CYTH1: variants seen among roughly 807,000 people sequenced by gnomAD.
CYTH1 encodes cytohesin 1.
CYTH1 carries 18 observed loss-of-function variants against 61.8 expected under a neutral mutation model. The observed-to-expected ratio is 0.29, with a 90% confidence interval of 0.20 to 0.43. The LOEUF (loss-of-function observed/expected upper bound fraction) is 0.43. CYTH1 is among the 20% of genes least tolerant of loss of function. The pLI is 1.00. For missense variants in CYTH1, 336 were observed against 510.5 expected (o/e 0.66, Z 3.29); for synonymous variants, 174 against 184.3 (o/e 0.94, Z 0.45).
At chr17:78,752,952 A>C (rs2144679227) in intron 1 of CYTH1, among the ~76,000 whole-genome samples, 1 of 152,308 alleles carries the variant, frequency 6.6e-6, no homozygotes, top group Non-Finnish European at 1.5e-5. Context: ...TAATCTTGGG[A>C]AACAGGACAC....
chr17:78,684,250 G>A (rs2092793878), intron 11 of CYTH1, among the ~76,000 whole-genome samples: 1 of 152,214 alleles, frequency 6.6e-6, no homozygotes, highest in African/African-American at 2.4e-5. Context: ...TGGCTTGAGT[G>A]AGCCAGCATC....
At chr17:78,746,087 T>C (rs1020862428) in intron 1 of CYTH1, among the ~76,000 whole-genome samples, 8 of 152,102 alleles carry the variant, frequency 5.3e-5, no homozygotes, top group African/African-American at 1.4e-4. Flanking sequence ...ATAGTGATAA[T>C]AGGCTTCTAC....
chr17:78,697,859 AG>A (rs2092957556), intron 9 of CYTH1, among the ~76,000 whole-genome samples: 1 of 152,208 alleles, frequency 6.6e-6, no homozygotes. Flanking sequence ...CCAGGTGCTC[AG>A]GGAACTGCCT....
intron 1 of CYTH1, among the ~76,000 whole-genome samples, chr17:78,766,419 G>A (rs2093448950): frequency 6.6e-6 from 1 of 152,120 alleles, no homozygotes; most frequent in Non-Finnish European, 1.5e-5. Context: ...CTGGCTCCAG[G>A]GAATCATCAA....
At chr17:78,739,261 C>G (rs1289816377) in intron 1 of CYTH1, among the ~76,000 whole-genome samples, 1 of 152,162 alleles carries the variant, frequency 6.6e-6, no homozygotes, top group Non-Finnish European at 1.5e-5. Flanking sequence ...TTTGTCTTAT[C>G]TGTTTCGTTC....
chr17:78,708,486 T>A (rs2093092651), intron 2 of CYTH1, among the ~76,000 whole-genome samples: 1 of 152,202 alleles, frequency 6.6e-6, no homozygotes, highest in African/African-American at 2.4e-5. Flanking sequence ...TAGAAAAGAA[T>A]ACAGCCTCTG....
chr17:78,680,071 C>T (rs2092742114), intron 13 of CYTH1, 119 bp downstream of exon 13: 2 of 1,377,050 alleles, frequency 1.5e-6, no homozygotes, highest in South Asian at 2.9e-5. Flanking sequence ...ACGAAGCTTC[C>T]CTAAGAACTT....
intron 9 of CYTH1, among the ~76,000 whole-genome samples, chr17:78,696,430 C>T (rs960478999): frequency 6.6e-6 from 1 of 152,220 alleles, no homozygotes. Context: ...AGAATGCACA[C>T]ACATATACCC....
At chr17:78,681,181 T>C in intron 11 of CYTH1, 139 bp from the exon 12 acceptor site, 1 of 776,014 alleles carries the variant, frequency 1.3e-6, no homozygotes, top group Non-Finnish European at 2.1e-6. Flanking sequence ...AGGGAACTCC[T>C]TACATTCTAA....
chr17:78,766,516 T>C (rs1180762834), intron 1 of CYTH1, among the ~76,000 whole-genome samples: 1 of 152,102 alleles, frequency 6.6e-6, no homozygotes, highest in African/African-American at 2.4e-5. Context: ...CTAAACTAAA[T>C]GCTACCCGGG....
chr17:78,714,502 TGTG>T (rs1474709763), intron 1 of CYTH1, among the ~76,000 whole-genome samples: 1 of 152,162 alleles, frequency 6.6e-6, no homozygotes, highest in African/African-American at 2.4e-5. Flanking sequence ...CTGTTGTGTT[TGTG>T]GTACTCAGCA....
At chr17:78,704,811 C>G (rs1027607662) in intron 3 of CYTH1, among the ~76,000 whole-genome samples, 24 of 152,150 alleles carry the variant, frequency 1.6e-4, no homozygotes, top group African/African-American at 5.8e-4. Flanking sequence ...CATGAGTCAT[C>G]GCATCCAGGC....
intron 13 of CYTH1, 108 bp downstream of exon 13, chr17:78,680,082 G>A (rs1206135691): frequency 3.5e-6 from 5 of 1,426,804 alleles, no homozygotes; most frequent in East Asian, 2.4e-5. Context: ...CTAAGAACTT[G>A]GAGCACAGAA....
chr17:78,744,845 CAAA>C (rs3038702), intron 1 of CYTH1, among the ~76,000 whole-genome samples: 7,590 of 98,068 alleles, frequency 0.077, 360 homozygotes, highest in South Asian at 0.21. Flanking sequence ...GATTAGATGT[CAAA>C]AAAAAAAAAA....
rs150838171 is a variant in CYTH1 at position 78,675,387 on chromosome 17, C to T, written c.*704G>A. On this transcript the variant is annotated 3_prime_UTR_variant, in exon 14 of 14. Transcript: ENST00000446868. ...TGCGACCCCGGCCAGGGCAGGCCCC[C>T]GACTCTGACTGTGCCGTCTGAGGCT... is the stretch of plus-strand genomic sequence containing the variant. 1,280 of 152,486 alleles carry T rather than the reference C, an allele frequency of 8.4e-3. 8 individuals are homozygous for T. The highest frequency in any genetic ancestry group is 0.027 in the Middle Eastern group (8 of 294). 9.4% of individuals were successfully genotyped at this position (152,486 alleles called of 1,614,324 possible). A position where few individuals can be genotyped will look rare whatever the true frequency, so the allele number is the denominator to read the frequency against.
intron 1 of CYTH1, among the ~76,000 whole-genome samples, chr17:78,750,590 C>T (rs527444843): frequency 1.3e-5 from 2 of 152,134 alleles, no homozygotes; most frequent in East Asian, 1.9e-4. Flanking sequence ...GGGTGGATCA[C>T]GAGGTCAGAG....
In CYTH1 at chr17:78,676,010, C is replaced by A. The variant is rs1340538103; in HGVS notation, c.*81G>T. The A allele has an allele frequency of 1.3e-6, 2 of 1,554,068 alleles. No homozygotes were observed. Among genetic ancestry groups the A allele is most frequent in the African/African-American group, 1.4e-5 (1 of 73,746 alleles). The stretch of plus-strand genomic sequence containing the variant: ...GGGGCCTGGCAGAGGACGCTCTGCT[C>A]GGCAGCAGTGCATCCATGGAGGTGC... On this transcript the variant is annotated 3_prime_UTR_variant, in exon 14 of 14. Coordinates refer to ENST00000446868, the MANE Select transcript of CYTH1 (RefSeq NM_004762.6).
In CYTH1 at chr17:78,769,994, A is replaced by G. The variant is rs61269840; in HGVS notation, c.22+12208T>C. ...GTGAAACCCCGTCTGTACTAAACAT[A>G]CAAAACTGAGCTGGGCATGGTGGCG... is the stretch of plus-strand genomic sequence containing the variant. On this transcript the variant is annotated intron_variant, in intron 1 of 13. Coordinates refer to ENST00000446868, the MANE Select transcript of CYTH1 (RefSeq NM_004762.6). Among the ~76,000 whole-genome samples the G allele has an allele frequency of 6.3e-3, 954 of 152,140 alleles. 40 individuals carry two copies. In the East Asian group the frequency reaches 0.12, roughly 19 times the overall value.
At chr17:78,698,495 A>T in intron 8 of CYTH1, 115 bp from the exon 9 acceptor site, 1 of 823,490 alleles carries the variant, frequency 1.2e-6, no homozygotes, top group East Asian at 2.5e-5. Context: ...CAAGCCTGCT[A>T]GATGCTGAGA....
Sources: allele counts gnomAD v4.1 joint callset (sites outside exome capture counted in the v4.1 genomes callset), GRCh38; gene constraint gnomAD v4.1.1; transcripts MANE v1.5; gene names NCBI Gene and HGNC (gene_info 2026-07-23, HGNC 2026-07-21).